The following PITRM1 variants were observed in gnomAD, a reference collection of about 807,000 sequenced individuals.
The protein encoded by PITRM1 is pitrilysin metallopeptidase 1, also known as presequence protease, mitochondrial.
In PITRM1, 100 loss-of-function variants were observed where a neutral mutation model predicts 129.9. The ratio of observed to expected loss-of-function variants is 0.77; its 90% CI spans 0.65 to 0.91. The LOEUF is 0.91. Ranked by LOEUF, PITRM1 falls within the 40% of genes least tolerant of loss-of-function variation. PITRM1 has a pLI of 0.00. For synonymous variants in PITRM1, 591 were observed against 508.8 expected (o/e 1.16, Z -2.17); for missense variants, 1,471 against 1,318.3 (o/e 1.12, Z -1.79).
chr10:3,144,148 C>A (rs150136562), intron 22 of PITRM1, 144 bp downstream of exon 22: 54 of 616,938 alleles, frequency 8.8e-5, no homozygotes, highest in Non-Finnish European at 5.8e-5. Flanking sequence ...GTGGCAGTGA[C>A]AAAGGATGCA....
At chr10:3,154,288 C>A (rs76666250) in intron 14 of PITRM1, among the ~76,000 whole-genome samples, 1 of 152,186 alleles carries the variant, frequency 6.6e-6, no homozygotes, top group East Asian at 1.9e-4. Flanking sequence ...AAGCTTTGTG[C>A]GGACGCCTGT....
At chr10:3,138,877 A>T in intron 25 of PITRM1, 27 bp downstream of exon 25, 10 of 1,611,216 alleles carry the variant, frequency 6.2e-6, no homozygotes, top group Non-Finnish European at 8.5e-6. Flanking sequence ...CTGTGGGTTG[A>T]GATTCTCACT....
chr10:3,163,655 T>TA, intron 7 of PITRM1, 70 bp downstream of exon 7: 1 of 1,284,660 alleles, frequency 7.8e-7, no homozygotes, highest in South Asian at 1.4e-5. Flanking sequence ...AGCCATGCCA[T>TA]AAACTGTTAA....
At chr10:3,154,368 G>A (rs1255006143) in intron 14 of PITRM1, among the ~76,000 whole-genome samples, 1 of 152,186 alleles carries the variant, frequency 6.6e-6, no homozygotes, top group East Asian at 1.9e-4. Flanking sequence ...GGCACTGTGA[G>A]AACTGTGACC....
At chr10:3,153,227 C>A (rs971476496) in intron 14 of PITRM1, among the ~76,000 whole-genome samples, 3 of 152,192 alleles carry the variant, frequency 2.0e-5, no homozygotes, top group African/African-American at 7.2e-5. Flanking sequence ...GTTTGGACTA[C>A]AGTATACGGG....
Position 3,151,289 on chromosome 10 carries a change from C to T in PITRM1, c.1696G>A (p.Glu566Lys). Residue 566 changes from glutamate to lysine, a missense_variant, in exon 15 of 27, where the codon GAA (glutamate) becomes AAA (lysine). Coordinates refer to ENST00000224949, the MANE Select transcript of PITRM1 (RefSeq NM_014889.4). Reference sequence around the variant, plus strand: ...AACTCTGTGACAGGTATGGTGGGTTCAATATCGGAAACTTTCAACGCTGGC... The same window carrying T: ...AACTCTGTGACAGGTATGGTGGGTTTAATATCGGAAACTTTCAACGCTGGC... The part of the protein sequence containing the change: ...CLPALKVSDI[E>K]PTIPVTELDV... 1 of 1,610,010 alleles carries T rather than the reference C, an allele frequency of 6.2e-7. No homozygotes were observed. Among genetic ancestry groups the T allele is most frequent in the Non-Finnish European group, 8.5e-7 (1 of 1,178,204 alleles).
chr10:3,165,464 G>C lies in PITRM1; in HGVS notation c.482C>G (p.Ser161Trp), dbSNP rs750724036. 1 of 1,613,448 alleles carries C rather than the reference G, an allele frequency of 6.2e-7. No individual in the cohort carries two copies. The highest frequency in any genetic ancestry group is 1.7e-5 in the Admixed American group (1 of 59,976). The change falls in exon 5 of 27, where the codon TCG becomes TGG. Residue 161 changes from serine to tryptophan, a missense_variant. Transcript: ENST00000224949. ...GAAAAAGGTGGCATCCAAATACACC[G>C]AGAGGAGATTCTGAAAGTCCTTGGG... Reference protein sequence around the residue: ...QNPKDFQNLLSVYLDATFFPC... With the variant: ...QNPKDFQNLLWVYLDATFFPC...
Position 3,137,978 on chromosome 10 carries a change from C to T in PITRM1, c.*53G>A, listed in dbSNP as rs1329039334. The T allele has an allele frequency of 3.0e-6, 3 of 1,014,486 alleles. No homozygotes were observed. The highest frequency in any genetic ancestry group is 1.4e-5 in the South Asian group (1 of 70,140). 62.8% of individuals were successfully genotyped at this position (1,014,486 alleles called of 1,614,324 possible). A position where few individuals can be genotyped will look rare whatever the true frequency, so the allele number is the denominator to read the frequency against. ...AGTAGCATTTCTGACTTTTCATATT[C>T]AGCTCGGAGGTGTATTGTCTCGGGC... On this transcript the variant is annotated 3_prime_UTR_variant, in exon 27 of 27. Transcript: ENST00000224949.
At chr10:3,163,964 T>C in intron 6 of PITRM1, 79 bp from the exon 7 acceptor site, 1 of 947,968 alleles carries the variant, frequency 1.1e-6, no homozygotes. Context: ...TATAGCCAAT[T>C]GATCACATTC....
At chr10:3,146,365 T>C (rs925550229) in intron 20 of PITRM1, 2 of 152,498 alleles carry the variant, frequency 1.3e-5, no homozygotes, top group Non-Finnish European at 2.9e-5. Context: ...AGATATTCTT[T>C]CTTTTATTCC....
intron 25 of PITRM1, 63 bp downstream of exon 25, chr10:3,138,841 G>C (rs1839885961): frequency 6.5e-7 from 1 of 1,542,748 alleles, no homozygotes; most frequent in African/African-American, 1.4e-5. Context: ...CCGGGAACTT[G>C]GAAAACAGCA....
chr10:3,148,081 C>T lies in PITRM1; in HGVS notation c.1993-18G>A, dbSNP rs1841093385. On this transcript the variant is annotated intron_variant, in intron 17 of 26. Transcript: ENST00000224949. ...AGCACACCCTGAACCAAAGAAAACACAGAAGAAAGGAATTAGGGCCGAATC... is the reference window on the plus strand; with the variant it reads ...AGCACACCCTGAACCAAAGAAAACATAGAAGAAAGGAATTAGGGCCGAATC... The T allele has an allele frequency of 6.2e-7, 1 of 1,613,800 alleles. No homozygotes were observed. Among genetic ancestry groups the T allele is most frequent in the East Asian group, 2.2e-5 (1 of 44,874 alleles).
intron 16 of PITRM1, chr10:3,148,898 G>A (rs1422019231): frequency 6.6e-6 from 1 of 152,304 alleles, no homozygotes; most frequent in Non-Finnish European, 1.5e-5. Context: ...GAAAGGCAGG[G>A]AACCTTCAAA....
rs759976626 is a variant in PITRM1, at chr10:3,139,042, T to C, written c.2779A>G (p.Asn927Asp). 1.1e-5 allele frequency: 17 copies of C among 1,613,546 alleles called. No individual in the cohort carries two copies. The Admixed American group carries it at 1.7e-4, about 16-fold the overall frequency. The change falls in exon 25 of 27, where the codon AAT (asparagine) becomes GAT (aspartate). Residue 927 changes from asparagine to aspartate, a missense_variant. Physicochemically the swap from Asn to Asp is conservative, Grantham distance 23. Transcript: ENST00000224949. ...IFTLYSYRDP[N>D]TIETLQSFGK... Reference sequence around the variant, plus strand: ...AAAGACTGGAGCGTCTCTATTGTATTTGGGTCCCTAGGAAACCCAGAGAAA... The same window carrying C: ...AAAGACTGGAGCGTCTCTATTGTATCTGGGTCCCTAGGAAACCCAGAGAAA...
At position 3,155,813 on chromosome 10, in the gene PITRM1, G is replaced by A. The variant is rs987256051; in HGVS notation, c.1483-84C>T. Reference sequence around the variant, plus strand: ...ACACTCAACAAGCTTCTGCTGGTGTGTTCTTGGTCCTGTGGTTCCACTTTC... The same window carrying A: ...ACACTCAACAAGCTTCTGCTGGTGTATTCTTGGTCCTGTGGTTCCACTTTC... On this transcript the variant is annotated intron_variant, in intron 13 of 26. Coordinates refer to ENST00000224949, the MANE Select transcript of PITRM1 (RefSeq NM_014889.4). 1.3e-5 allele frequency: 19 copies of A among 1,489,216 alleles called. No homozygotes were observed. The African/African-American group carries it at 2.3e-4, about 18-fold the overall frequency. The allele number at this position is 1,489,216 out of a possible 1,614,324, so 92.3% of individuals were successfully genotyped here.
At chr10:3,145,952 C>A (rs558516108) in intron 20 of PITRM1, 3 of 503,934 alleles carry the variant, frequency 6.0e-6, no homozygotes, top group African/African-American at 3.9e-5. Flanking sequence ...ATACGCGGAG[C>A]CTGTGACTCT....
chr10:3,154,070 C>T (rs1841759399), intron 14 of PITRM1, among the ~76,000 whole-genome samples: 1 of 152,232 alleles, frequency 6.6e-6, no homozygotes, highest in African/African-American at 2.4e-5. Context: ...CCTCCAGCAG[C>T]TTCTCATCTG....
In PITRM1 at chr10:3,167,016, C is replaced by G. The variant is rs547826795; in HGVS notation, c.186G>C (p.Leu62=). 3.1e-6 allele frequency: 5 copies of G among 1,609,232 alleles called. No homozygotes were observed. Among genetic ancestry groups the G allele is most frequent in the South Asian group, 2.2e-5 (2 of 89,982 alleles). Residue 62 remains leucine (L), a synonymous_variant, in exon 3 of 27, where the codon CTG becomes CTC. Coordinates refer to ENST00000224949, the MANE Select transcript of PITRM1 (RefSeq NM_014889.4). ...CATCATGGGTGAGCTTCACTGCAGT[C>G]AGGAACAGCTCGGGAACAGATGTCA... is the stretch of plus-strand genomic sequence containing the variant. ...NQVTSVPELF[L]TAVKLTHDDT... is the part of the protein sequence containing the mutation.
rs1331715549 is a variant in PITRM1, at chr10:3,137,910, G to A, written c.*121C>T. On this transcript the variant is annotated 3_prime_UTR_variant, in exon 27 of 27. Transcript: ENST00000224949. ...TCTGAGTTTTTGACTCGCCAGTCAA[G>A]GGCTTTGGCGACACTCAATGACATA... is the stretch of plus-strand genomic sequence containing the variant. 4 of 643,658 alleles carry A rather than the reference G, an allele frequency of 6.2e-6. No homozygotes were observed. In the Admixed American group the frequency reaches 1.1e-4, roughly 18 times the overall value. 39.9% of individuals were successfully genotyped at this position (643,658 alleles called of 1,614,324 possible). A position where few individuals can be genotyped will look rare whatever the true frequency, so the allele number is the denominator to read the frequency against.
Sources: allele counts gnomAD v4.1 joint callset (sites outside exome capture counted in the v4.1 genomes callset), GRCh38; gene constraint gnomAD v4.1.1; transcripts MANE v1.5; gene names NCBI Gene and HGNC (gene_info 2026-07-23, HGNC 2026-07-21).